Variants in TPH1 observed in about 807,000 individuals in gnomAD.
The protein encoded by TPH1 is tryptophan 5-hydroxylase 1.
A neutral mutation model predicts 49.5 loss-of-function variants in TPH1; 37 were observed. That is an observed-to-expected ratio of 0.75 (90% CI 0.58 to 0.98). TPH1 has a LOEUF of 0.98. Ranked by LOEUF, TPH1 falls within the 50% of genes least tolerant of loss-of-function variation. The probability of loss-of-function intolerance (pLI) is 0.00; values close to 1 mark genes in which losing one functional copy is unlikely to be tolerated. For missense variants in TPH1, 487 were observed against 523.6 expected (o/e 0.93, Z 0.68); for synonymous variants, 160 against 182.1 (o/e 0.88, Z 0.98).
chr11:18,021,703 T>A (rs1854365788), intron 10 of TPH1, among the ~76,000 whole-genome samples: 2 of 152,130 alleles, frequency 1.3e-5, no homozygotes, highest in South Asian at 4.1e-4. Flanking sequence ...CATGTTAGAT[T>A]TTTTCTGCTT....
rs1362807216 is a variant in TPH1 at position 18,020,741 on chromosome 11, A to G, written c.*250T>C. The G allele has an allele frequency of 2.3e-6, 1 of 435,078 alleles. No homozygotes were observed. Among genetic ancestry groups the G allele is most frequent in the Non-Finnish European group, 4.3e-6 (1 of 235,270 alleles). The allele number at this position is 435,078 out of a possible 1,614,324, so 27.0% of individuals were successfully genotyped here. A position where few individuals can be genotyped will look rare whatever the true frequency, so the allele number is the denominator to read the frequency against. ...TAAAAATGGGTGGTCAGTGGCTTGT[A>G]TGGTATATAAATTGTCTCATTAAAG... On this transcript the variant is annotated 3_prime_UTR_variant, in exon 11 of 11. Coordinates refer to ENST00000682019, the MANE Select transcript of TPH1 (RefSeq NM_004179.3).
At chr11:18,032,737 G>A (rs211104) in intron 4 of TPH1, among the ~76,000 whole-genome samples, 38,518 of 150,542 alleles carry the variant, frequency 0.26, 5,066 homozygotes, top group African/African-American at 0.29. Context: ...TAGTAGAGAC[G>A]GGGTCTCACT....
chr11:18,030,331 A>T (rs1847974862), intron 4 of TPH1, among the ~76,000 whole-genome samples: 1 of 152,052 alleles, frequency 6.6e-6, no homozygotes, highest in Non-Finnish European at 1.5e-5. Context: ...GTGAGGCAGG[A>T]GGATGGCTTC....
intron 6 of TPH1, among the ~76,000 whole-genome samples, chr11:18,028,242 T>C (rs1023677902): frequency 6.6e-6 from 1 of 152,248 alleles, no homozygotes; most frequent in Non-Finnish European, 1.5e-5. Context: ...CCTTTGTTTA[T>C]GCCTCTACTA....
At chr11:18,044,016 A>G (rs1372954011) in intron 1 of TPH1, among the ~76,000 whole-genome samples, 2 of 152,188 alleles carry the variant, frequency 1.3e-5, no homozygotes, top group Non-Finnish European at 2.9e-5. Flanking sequence ...GGAATGGATC[A>G]AGTTTTGTGC....
chr11:18,021,299 C>A, intron 10 of TPH1, 134 bp from the exon 11 acceptor site: 1 of 810,072 alleles, frequency 1.2e-6, no homozygotes, highest in Non-Finnish European at 2.1e-6. Flanking sequence ...CCAATCTGAC[C>A]TACTTCTCTA....
intron 1 of TPH1, among the ~76,000 whole-genome samples, chr11:18,043,874 A>C (rs1309963806): frequency 2.0e-5 from 3 of 151,938 alleles, no homozygotes; most frequent in Non-Finnish European, 4.4e-5. Context: ...TCTTAAAAAA[A>C]AAAAAAAGAG....
rs1847961075 is a variant in TPH1 at position 18,029,357 on chromosome 11, C to T, written c.475G>A (p.Asp159Asn). 1 of 1,613,488 alleles carries T rather than the reference C, an allele frequency of 6.2e-7. No homozygotes were observed. The highest frequency in any genetic ancestry group is 1.7e-5 in the Admixed American group (1 of 59,998). Reference sequence around the variant, plus strand: ...GTGAATTCAACCTTTGGAATGGGGTCTCCACTAATGAGATAAAGGGAAGGA... The same window carrying T: ...GTGAATTCAACCTTTGGAATGGGGTTTCCACTAATGAGATAAAGGGAAGGA... ...ADLAMNYKHGDPIPKVEFTEE... is the reference protein window; with the variant it reads ...ADLAMNYKHGNPIPKVEFTEE... Residue 159 changes from aspartate to asparagine, a missense_variant, in exon 6 of 11, where the codon GAC becomes AAC. Coordinates refer to ENST00000682019, the MANE Select transcript of TPH1 (RefSeq NM_004179.3).
In TPH1 at chr11:18,022,836, A is replaced by G. The variant is rs140226713; in HGVS notation, c.1122T>C (p.Phe374=). 6.8e-6 allele frequency: 11 copies of G among 1,613,420 alleles called. No homozygotes were observed. In the African/African-American group the frequency reaches 1.5e-4, roughly 22 times the overall value. ...TTGCATCTTCAAAACTTTCAGATAC[A>G]AAGTAGACATCTTGAAAAGTTGTGA... The part of the protein sequence containing the change: ...CLITTFQDVY[F]VSESFEDAKE... Residue 374 remains phenylalanine, a synonymous_variant, in exon 10 of 11, where the codon TTT becomes TTC. Transcript: ENST00000682019.
rs1848011142 is a variant in TPH1 at position 18,033,365 on chromosome 11, G to C, written c.311C>G (p.Thr104Ser). 15 of 1,611,526 alleles carry C rather than the reference G, an allele frequency of 9.3e-6. No homozygotes were observed. In the East Asian group the frequency reaches 3.1e-4, roughly 34 times the overall value. ...AATCTTCTTTGGAAACCAAGGAACA[G>C]TTTCCATACCTGTAAAATTTAAAAT... ...NFTLKEDGME[T>S]VPWFPKKISD... The change falls in exon 4 of 11, where the codon ACT becomes AGT. Residue 104 changes from threonine to serine, a missense_variant. Coordinates refer to ENST00000682019, the MANE Select transcript of TPH1 (RefSeq NM_004179.3).
At position 18,026,602 on chromosome 11, in the gene TPH1, G is replaced by A. The variant is rs1431251642; in HGVS notation, c.691C>T (p.Pro231Ser). The change falls in exon 7 of 11, where the codon CCT becomes TCT. Residue 231 changes from proline (P) to serine (S), a missense_variant. Transcript: ENST00000682019. ...CTTGGTGATAAGTAACCAGCCACAG[G>A]ACGGATGGAAAAACCTGTACGCTCT... ...LKERTGFSIR[P>S]VAGYLSPRDF... 6.2e-7 allele frequency: 1 copy of A among 1,613,890 alleles called. No individual in the cohort carries two copies. The highest frequency in any genetic ancestry group is 2.2e-5 in the East Asian group (1 of 44,878).
At chr11:18,029,441 A>G in intron 5 of TPH1, 71 bp downstream of exon 5, 3 of 1,552,502 alleles carry the variant, frequency 1.9e-6, no homozygotes, top group Non-Finnish European at 1.8e-6. Flanking sequence ...TACTTACCAA[A>G]TGAACACAAT....
intron 10 of TPH1, 115 bp from the exon 11 acceptor site, chr11:18,021,280 T>C: frequency 4.9e-6 from 5 of 1,018,774 alleles, no homozygotes; most frequent in Non-Finnish European, 4.6e-6. Flanking sequence ...TTGTTAGATA[T>C]GTGTACAACC....
chr11:18,023,106 G>T, intron 9 of TPH1, 175 bp from the exon 10 acceptor site: 1 of 643,212 alleles, frequency 1.6e-6, no homozygotes, highest in Non-Finnish European at 2.6e-6. Context: ...CAAAAAAAAT[G>T]GCTTGCCCTT....
At chr11:18,033,990 T>C (rs1848019134) in intron 3 of TPH1, among the ~76,000 whole-genome samples, 1 of 152,188 alleles carries the variant, frequency 6.6e-6, no homozygotes, top group Admixed American at 6.5e-5. Context: ...CCGCAAAGCC[T>C]TCCCTCACCC....
At chr11:18,036,267 C>T in intron 2 of TPH1, 125 bp from the exon 3 acceptor site, 2 of 730,052 alleles carry the variant, frequency 2.7e-6, no homozygotes, top group Non-Finnish European at 4.6e-6. Flanking sequence ...GGGAAAAAGA[C>T]TGTTTTTAGT....
rs1003209140 is a variant in TPH1, at chr11:18,019,447, T to C, written c.*1544A>G. On this transcript the variant is annotated 3_prime_UTR_variant, in exon 11 of 11. Coordinates refer to ENST00000682019, the MANE Select transcript of TPH1 (RefSeq NM_004179.3). ...CTTTATAGACCTGTTCAATTTGAGA[T>C]GCTTGGCAGGGCTGTCATATTGAAC... 4 of 327,620 alleles carry C rather than the reference T, an allele frequency of 1.2e-5. No homozygotes were observed. The highest frequency in any genetic ancestry group is 2.4e-5 in the Non-Finnish European group (4 of 168,452). 20.3% of individuals were successfully genotyped at this position (327,620 alleles called of 1,614,324 possible). A position where few individuals can be genotyped will look rare whatever the true frequency, so the allele number is the denominator to read the frequency against.
At position 18,022,835 on chromosome 11, in the gene TPH1, C is replaced by A. The variant is rs934631606; in HGVS notation, c.1123G>T (p.Val375Leu). Residue 375 changes from valine (V) to leucine (L), a missense_variant, in exon 10 of 11, where the codon GTA (valine) becomes TTA (leucine). Coordinates refer to ENST00000682019, the MANE Select transcript of TPH1 (RefSeq NM_004179.3). ...LITTFQDVYF[V>L]SESFEDAKEK... is the part of the protein sequence containing the mutation. ...TTTGCATCTTCAAAACTTTCAGATACAAAGTAGACATCTTGAAAAGTTGTG... is the reference window on the plus strand; with the variant it reads ...TTTGCATCTTCAAAACTTTCAGATAAAAAGTAGACATCTTGAAAAGTTGTG... The A allele has an allele frequency of 1.2e-6, 2 of 1,613,306 alleles. No homozygotes were observed. Among genetic ancestry groups the A allele is most frequent in the African/African-American group, 2.7e-5 (2 of 74,890 alleles).
rs747524542 is a variant in TPH1 at position 18,029,189 on chromosome 11, C to T, written c.643G>A (p.Glu215Lys). ...CCTTTTAAAAAGTTGGAGACATCTT[C>T]CAATTGTGGGATATTATCCTCCCGA... ...GYREDNIPQL[E>K]DVSNFLKERT... The change falls in exon 6 of 11, where the codon GAA (glutamate) becomes AAA (lysine). Residue 215 changes from glutamate to lysine, a missense_variant. By Grantham distance (56) the Glu-to-Lys change is moderately conservative. Transcript: ENST00000682019. 1 of 1,613,300 alleles carries T rather than the reference C, an allele frequency of 6.2e-7. No homozygotes were observed. The highest frequency in any genetic ancestry group is 2.2e-5 in the East Asian group (1 of 44,846).
Sources: gnomAD v4.1 joint callset for allele counts (sites outside exome capture counted in the v4.1 genomes callset) on GRCh38, gnomAD v4.1.1 for gene constraint, MANE v1.5 for transcripts, NCBI Gene and HGNC (gene_info 2026-07-23, HGNC 2026-07-21) for gene names.